CTDSPL: variants seen among roughly 807,000 people sequenced by gnomAD.
CTDSPL encodes CTD small phosphatase-like protein.
A neutral mutation model predicts 30.5 loss-of-function variants in CTDSPL; 8 were observed. That is an observed-to-expected ratio of 0.26 (90% CI 0.15 to 0.47). The LOEUF is 0.47. Ranked by LOEUF, CTDSPL falls within the 20% of genes least tolerant of loss-of-function variation. CTDSPL has a pLI of 0.99. For synonymous variants in CTDSPL, 110 were observed against 137.9 expected (o/e 0.80, Z 1.42); for missense variants, 248 against 366.1 (o/e 0.68, Z 2.63).
chr3:37,951,885 T>G (rs6791946), intron 2 of CTDSPL, among the ~76,000 whole-genome samples: 32,552 of 151,966 alleles, frequency 0.21, 5,047 homozygotes, highest in African/African-American at 0.44. Flanking sequence ...TAAATAATAG[T>G]CATAAAACCT....
intron 1 of CTDSPL, among the ~76,000 whole-genome samples, chr3:37,877,612 A>T (rs1698152925): frequency 6.6e-6 from 1 of 152,036 alleles, no homozygotes; most frequent in South Asian, 2.1e-4. Context: ...CAGAAGTAGA[A>T]TTGCTGGATA....
chr3:37,919,969 C>G (rs978840752), intron 1 of CTDSPL, among the ~76,000 whole-genome samples: 1 of 152,044 alleles, frequency 6.6e-6, no homozygotes, highest in South Asian at 2.1e-4. Flanking sequence ...TTCTCTTAGT[C>G]TCTGATGGGG....
rs149047800 is a variant in CTDSPL, at chr3:37,878,566, A to C, written c.79+16288A>C. Among the ~76,000 whole-genome samples, 539 of 152,342 alleles carry C rather than the reference A, an allele frequency of 3.5e-3. 22 individuals carry two copies. The South Asian group carries it at 0.076, about 22-fold the overall frequency. ...CTTTCCTTACTGTGAAGCAGTGTTA[A>C]ACTTAGGATAGTACCAGCTTTCCCT... On this transcript the variant is annotated intron_variant, in intron 1 of 7. Transcript: ENST00000273179.
chr3:37,952,913 T>C (rs1699126652), intron 2 of CTDSPL, among the ~76,000 whole-genome samples: 6 of 152,238 alleles, frequency 3.9e-5, no homozygotes, highest in Admixed American at 3.9e-4. Flanking sequence ...ATGGGTTGGC[T>C]GAGGCTGAGC....
At chr3:37,962,945 A>G (rs1699259717) in intron 3 of CTDSPL, among the ~76,000 whole-genome samples, 1 of 152,214 alleles carries the variant, frequency 6.6e-6, no homozygotes, top group African/African-American at 2.4e-5. Context: ...TACTATGTTC[A>G]CTTAGCTCAT....
chr3:37,962,219 A>G (rs934305392), intron 3 of CTDSPL, among the ~76,000 whole-genome samples: 1 of 152,224 alleles, frequency 6.6e-6, no homozygotes, highest in African/African-American at 2.4e-5. Context: ...TTGTCATTAT[A>G]TAGCATCCTT....
At chr3:37,878,058 G>T (rs1698158743) in intron 1 of CTDSPL, among the ~76,000 whole-genome samples, 1 of 152,116 alleles carries the variant, frequency 6.6e-6, no homozygotes, top group African/African-American at 2.4e-5. Context: ...GTGCACAGGG[G>T]TTTCAGTGTC....
intron 3 of CTDSPL, among the ~76,000 whole-genome samples, chr3:37,961,199 C>A (rs1401672480): frequency 6.6e-6 from 1 of 152,152 alleles, no homozygotes; most frequent in Non-Finnish European, 1.5e-5. Context: ...GTTTTGCACG[C>A]CTATTGGAAA....
intron 2 of CTDSPL, 103 bp from the exon 3 acceptor site, chr3:37,957,008 G>A (rs759378460): frequency 3.2e-6 from 3 of 930,546 alleles, no homozygotes; most frequent in Non-Finnish European, 5.2e-6. Flanking sequence ...ACAGAGAATG[G>A]CAGATCATGC....
At position 37,982,105 on chromosome 3, in the gene CTDSPL, C is replaced by T; in HGVS notation, c.*1238C>T. 1 of 336,686 alleles carries T rather than the reference C, an allele frequency of 3.0e-6. No homozygotes were observed. The highest frequency in any genetic ancestry group is 7.9e-5 in the East Asian group (1 of 12,682). 20.9% of individuals were successfully genotyped at this position (336,686 alleles called of 1,614,324 possible). A position where few individuals can be genotyped will look rare whatever the true frequency, so the allele number is the denominator to read the frequency against. ...TGTAGCATGGATTTTAAACTGCAGT[C>T]AGTATCAGATCCTGTTTGATAAATA... On this transcript the variant is annotated 3_prime_UTR_variant, in exon 8 of 8. Transcript: ENST00000273179.
chr3:37,902,675 A>G (rs1010375991), intron 1 of CTDSPL, among the ~76,000 whole-genome samples: 56 of 152,020 alleles, frequency 3.7e-4, no homozygotes, highest in Non-Finnish European at 5.4e-4. Context: ...CTTCTGCTGC[A>G]TCTCACATTC....
At chr3:37,907,087 T>G (rs1330176605) in intron 1 of CTDSPL, among the ~76,000 whole-genome samples, 3 of 152,252 alleles carry the variant, frequency 2.0e-5, no homozygotes, top group Admixed American at 2.0e-4. Context: ...CCTTTTGTTC[T>G]TTCCTGGTAT....
chr3:37,932,923 C>T (rs1280631553), intron 1 of CTDSPL, among the ~76,000 whole-genome samples: 1 of 152,122 alleles, frequency 6.6e-6, no homozygotes, highest in African/African-American at 2.4e-5. Flanking sequence ...GAGGCCGAGG[C>T]ATGTGGATTA....
intron 3 of CTDSPL, among the ~76,000 whole-genome samples, chr3:37,960,523 TATATATATATATACACACAC>T (rs1434054803): frequency 6.7e-5 from 4 of 59,668 alleles, no homozygotes; most frequent in African/African-American, 1.4e-4. Context: ...TATATATATA[TATATATATATATACACACAC>T]ACACACACAC....
chr3:37,905,873 G>T (rs990813644), intron 1 of CTDSPL, among the ~76,000 whole-genome samples: 7 of 152,176 alleles, frequency 4.6e-5, no homozygotes, highest in African/African-American at 1.4e-4. Context: ...TATTTTTCCA[G>T]GTTTTAGTCA....
At chr3:37,894,260 G>A (rs970099731) in intron 1 of CTDSPL, among the ~76,000 whole-genome samples, 2 of 151,024 alleles carry the variant, frequency 1.3e-5, no homozygotes, top group African/African-American at 4.9e-5. Context: ...TTTAAAAAAA[G>A]TTATTTTTTT....
intron 3 of CTDSPL, among the ~76,000 whole-genome samples, chr3:37,959,366 G>A (rs768547785): frequency 3.9e-5 from 6 of 152,206 alleles, no homozygotes; most frequent in African/African-American, 1.2e-4. Flanking sequence ...ACATACACAC[G>A]TACGTGAAGT....
At position 37,983,943 on chromosome 3, in the gene CTDSPL, G is replaced by C. The variant is rs113710751; in HGVS notation, c.*3076G>C. 1 of 225,564 alleles carries C rather than the reference G, an allele frequency of 4.4e-6. No homozygotes were observed. Among genetic ancestry groups the C allele is most frequent in the Non-Finnish European group, 9.3e-6 (1 of 106,970 alleles). 14.0% of individuals were successfully genotyped at this position (225,564 alleles called of 1,614,324 possible). ...ATGATGCTGACTTGTCATGGTTGCA[G>C]CATTTGAACTTTTGGTGTTAAAAAA... On this transcript the variant is annotated 3_prime_UTR_variant, in exon 8 of 8. Transcript: ENST00000273179.
chr3:37,917,452 T>C (rs1189012281), intron 1 of CTDSPL, among the ~76,000 whole-genome samples: 1 of 152,264 alleles, frequency 6.6e-6, no homozygotes, highest in African/African-American at 2.4e-5. Context: ...TTAGGCACTT[T>C]CGTTGTAATT....
Sources: gnomAD v4.1 joint callset for allele counts (sites outside exome capture counted in the v4.1 genomes callset) on GRCh38, gnomAD v4.1.1 for gene constraint, MANE v1.5 for transcripts, NCBI Gene and HGNC (gene_info 2026-07-23, HGNC 2026-07-21) for gene names.